THADA: variants seen among roughly 807,000 people sequenced by gnomAD.
THADA encodes tRNA (32-2'-O)-methyltransferase regulator THADA.
A neutral mutation model predicts 219.8 loss-of-function variants in THADA; 213 were observed. That is an observed-to-expected ratio of 0.97 (90% CI 0.87 to 1.09). THADA has a LOEUF of 1.09. THADA is among the 50% of genes least tolerant of loss of function. The probability of loss-of-function intolerance (pLI) is 0.00; values close to 1 mark genes in which losing one functional copy is unlikely to be tolerated. For missense variants in THADA, 2,956 were observed against 2,311.3 expected (o/e 1.28, Z -5.72); for synonymous variants, 1,018 against 828.9 (o/e 1.23, Z -3.92).
At chr2:43,521,922 G>T (rs1207973781) in intron 22 of THADA, among the ~76,000 whole-genome samples, 5 of 152,292 alleles carry the variant, frequency 3.3e-5, no homozygotes, top group African/African-American at 1.2e-4. Context: ...CCAACTACAT[G>T]TAGTAGCACA....
chr2:43,587,091 A>G (rs1701107332), intron 4 of THADA, 89 bp from the exon 5 acceptor site: 2 of 1,328,074 alleles, frequency 1.5e-6, no homozygotes, highest in Non-Finnish European at 1.0e-6. Context: ...ATGTGGGAAT[A>G]CTGAACTAAA....
At chr2:43,287,477 A>C (rs1674173210) in intron 34 of THADA, among the ~76,000 whole-genome samples, 1 of 152,118 alleles carries the variant, frequency 6.6e-6, no homozygotes, top group Non-Finnish European at 1.5e-5. Context: ...GTATTTAGCA[A>C]AATTAGACAG....
chr2:43,241,044 G>T (rs1295066116), intron 36 of THADA, among the ~76,000 whole-genome samples: 2 of 152,026 alleles, frequency 1.3e-5, no homozygotes. Flanking sequence ...TATTAAGTCT[G>T]GGGGGAATTC....
Position 43,232,166 on chromosome 2 carries a change from TTTTTC to T in THADA, c.5466+542_5466+546del, listed in dbSNP as rs560161844. Among the ~76,000 whole-genome samples, 344 of 152,076 alleles carry T rather than the reference TTTTTC, an allele frequency of 2.3e-3. 1 individual carries two copies. Among genetic ancestry groups the T allele is most frequent in the Admixed American group, 4.2e-3 (64 of 15,270 alleles). ...AACTCTCCGCATCCAGGGGCTTCTT[TTTTTC>T]TTTTCTTTTCTTTTCTTTTTTTTTT... is the stretch of plus-strand genomic sequence containing the variant. On this transcript the variant is annotated intron_variant, in intron 37 of 37. Coordinates refer to ENST00000405975, the MANE Select transcript of THADA (RefSeq NM_022065.5).
intron 29 of THADA, among the ~76,000 whole-genome samples, chr2:43,372,412 T>C (rs1670910280): frequency 6.6e-6 from 1 of 152,184 alleles, no homozygotes; most frequent in African/African-American, 2.4e-5. Context: ...AACAAAACCC[T>C]AAAATAGTGA....
At chr2:43,451,018 A>G (rs1231521059) in intron 26 of THADA, among the ~76,000 whole-genome samples, 3 of 152,216 alleles carry the variant, frequency 2.0e-5, no homozygotes, top group Admixed American at 1.3e-4. Context: ...CTGAACATAA[A>G]TGGTGGTAAT....
rs146688312 is a variant in THADA at position 43,359,466 on chromosome 2, G to A, written c.4228-15229C>T. Among the ~76,000 whole-genome samples the A allele has an allele frequency of 6.4e-3, 980 of 152,282 alleles. 6 individuals are homozygous for A. The highest frequency in any genetic ancestry group is 0.021 in the African/African-American group (859 of 41,556). ...AGGCTGAGGCGGGCAGATCACTTGA[G>A]GTCAGGAGTTTGAGACCAGCCTGGT... On this transcript the variant is annotated intron_variant, in intron 29 of 37. Coordinates refer to ENST00000405975, the MANE Select transcript of THADA (RefSeq NM_022065.5).
At chr2:43,409,927 G>C (rs1044048304) in intron 28 of THADA, among the ~76,000 whole-genome samples, 1 of 151,894 alleles carries the variant, frequency 6.6e-6, no homozygotes, top group African/African-American at 2.4e-5. Flanking sequence ...TGAGGTAGGA[G>C]GATTGCTTGA....
At chr2:43,371,995 C>T (rs1248600181) in intron 29 of THADA, 1 of 152,178 alleles carries the variant, frequency 6.6e-6, no homozygotes, top group Non-Finnish European at 1.5e-5. Flanking sequence ...GTTGGGATAA[C>T]TCGTTCCTGG....
intron 28 of THADA, among the ~76,000 whole-genome samples, chr2:43,407,488 C>T (rs7606114): frequency 0.011 from 1,667 of 152,228 alleles, 39 homozygotes; most frequent in African/African-American, 0.038. Flanking sequence ...AGGTTGACTG[C>T]ACAAATCATA....
At chr2:43,589,360 A>T (rs563465103) in intron 4 of THADA, among the ~76,000 whole-genome samples, 1 of 152,360 alleles carries the variant, frequency 6.6e-6, no homozygotes, top group Non-Finnish European at 1.5e-5. Flanking sequence ...TAAGTGAAAT[A>T]AGTCAGTCAC....
At chr2:43,336,619 A>T (rs1034802116) in intron 30 of THADA, among the ~76,000 whole-genome samples, 6 of 151,640 alleles carry the variant, frequency 4.0e-5, no homozygotes, top group Non-Finnish European at 8.8e-5. Context: ...ACAATCAACC[A>T]CTAACCACAC....
intron 36 of THADA, among the ~76,000 whole-genome samples, chr2:43,266,179 G>A (rs72877310): frequency 0.012 from 1,831 of 152,288 alleles, 25 homozygotes; most frequent in African/African-American, 0.038. Context: ...CCGGGAGGCT[G>A]AGCAGGGGAC....
At chr2:43,496,464 T>G (rs557881745) in intron 25 of THADA, among the ~76,000 whole-genome samples, 1 of 152,270 alleles carries the variant, frequency 6.6e-6, no homozygotes, top group African/African-American at 2.4e-5. Flanking sequence ...GAGTGTCTCG[T>G]TTTTTCAAAC....
At chr2:43,502,661 T>A (rs1689157655) in intron 24 of THADA, among the ~76,000 whole-genome samples, 1 of 150,260 alleles carries the variant, frequency 6.7e-6, no homozygotes, top group Non-Finnish European at 1.5e-5. Context: ...TCTTGGGGTA[T>A]AATTTCTGAA....
At chr2:43,322,330 C>T (rs1470520547) in intron 30 of THADA, among the ~76,000 whole-genome samples, 1 of 151,808 alleles carries the variant, frequency 6.6e-6, no homozygotes, top group African/African-American at 2.4e-5. Flanking sequence ...ATGGTGAAAC[C>T]CCATCTCTAC....
intron 29 of THADA, among the ~76,000 whole-genome samples, chr2:43,384,444 T>C (rs1427673319): frequency 2.0e-5 from 3 of 152,218 alleles, no homozygotes; most frequent in African/African-American, 7.2e-5. Flanking sequence ...GGATTGTAAT[T>C]ACATTTCTAA....
intron 26 of THADA, among the ~76,000 whole-genome samples, chr2:43,468,356 A>C (rs1223605470): frequency 6.6e-6 from 1 of 152,222 alleles, no homozygotes; most frequent in African/African-American, 2.4e-5. Context: ...GCTTTGAAAC[A>C]CTATATGGAA....
In THADA at chr2:43,551,864, T is replaced by C. The variant is rs748378604; in HGVS notation, c.2872A>G (p.Arg958Gly). 1 of 1,613,912 alleles carries C rather than the reference T, an allele frequency of 6.2e-7. No homozygotes were observed. The highest frequency in any genetic ancestry group is 1.1e-5 in the South Asian group (1 of 91,074). Residue 958 changes from arginine to glycine, a missense_variant, in exon 19 of 38, where the codon AGG (arginine) becomes GGG (glycine). Transcript: ENST00000405975. ...VVEKLLLMSY[R>G]LSTVVSPVIQ... ...ACTGGAGACACCACAGTGGAAAGCC[T>C]GTAGGACATCAAAAGGAGCTTCTCT...
Sources: gnomAD v4.1 joint callset for allele counts (sites outside exome capture counted in the v4.1 genomes callset) on GRCh38, gnomAD v4.1.1 for gene constraint, MANE v1.5 for transcripts, NCBI Gene and HGNC (gene_info 2026-07-23, HGNC 2026-07-21) for gene names.